Variants in MYO9B observed in about 807,000 individuals in gnomAD.
MYO9B encodes the protein unconventional myosin-IXb.
In MYO9B, 71 loss-of-function variants were observed where a neutral mutation model predicts 229.5. That is an observed-to-expected ratio of 0.31 (90% CI 0.26 to 0.38). The LOEUF (loss-of-function observed/expected upper bound fraction) is 0.38. Ranked by LOEUF, MYO9B falls within the 10% of genes least tolerant of loss-of-function variation. The probability of loss-of-function intolerance (pLI) is 1.00; values close to 1 mark genes in which losing one functional copy is unlikely to be tolerated. For synonymous variants in MYO9B, 1,185 were observed against 1,235.8 expected (o/e 0.96, Z 0.86); for missense variants, 2,255 against 2,920.5 (o/e 0.77, Z 5.25).
intron 14 of MYO9B, among the ~76,000 whole-genome samples, chr19:17,176,743 T>G (rs2072794391): frequency 6.6e-6 from 1 of 152,200 alleles, no homozygotes; most frequent in Non-Finnish European, 1.5e-5. Flanking sequence ...TCCCCCATCC[T>G]GCCTGGAGTG....
At chr19:17,079,068 T>A (rs1006782425) in intron 1 of MYO9B, among the ~76,000 whole-genome samples, 5 of 152,130 alleles carry the variant, frequency 3.3e-5, no homozygotes, top group Non-Finnish European at 5.9e-5. Flanking sequence ...TTCCATCCCC[T>A]CCAAGGGGTA....
chr19:17,132,178 CTTTTTT>C (rs60927116), intron 2 of MYO9B, among the ~76,000 whole-genome samples: 31 of 78,444 alleles, frequency 4.0e-4, no homozygotes, highest in Non-Finnish European at 5.9e-4. Flanking sequence ...TATTTTATTT[CTTTTTT>C]TTTTTTTTTT....
At chr19:17,184,271 T>C (rs1407925398) in intron 16 of MYO9B, among the ~76,000 whole-genome samples, 1 of 152,232 alleles carries the variant, frequency 6.6e-6, no homozygotes, top group Non-Finnish European at 1.5e-5. Context: ...CACCCCCATC[T>C]TCAGTCCCTG....
intron 2 of MYO9B, among the ~76,000 whole-genome samples, chr19:17,121,444 A>AATATATATAT (rs59741893): frequency 6.5e-4 from 93 of 142,620 alleles, no homozygotes; most frequent in African/African-American, 2.3e-3. Context: ...ATGTATTCCA[A>AATATATATAT]ATATATATAT....
chr19:17,205,813 A>G (rs2073153481), intron 31 of MYO9B, 147 bp from the exon 32 acceptor site: 2 of 826,540 alleles, frequency 2.4e-6, no homozygotes, highest in African/African-American at 1.7e-5. Flanking sequence ...CACACCCCCA[A>G]CAACCACGCA....
chr19:17,210,975 CACTTTT>C (rs1346329307), intron 38 of MYO9B, 127 bp downstream of exon 38: 1 of 509,622 alleles, frequency 2.0e-6, no homozygotes, highest in Non-Finnish European at 3.2e-6. Flanking sequence ...GGGCAAACAA[CACTTTT>C]TTTTTTTTTT....
chr19:17,203,396 C>T (rs1458395288), intron 30 of MYO9B, 138 bp downstream of exon 30: 2 of 607,488 alleles, frequency 3.3e-6, no homozygotes, highest in Admixed American at 3.1e-5. Context: ...AGGTGGATAA[C>T]GAGGTCAGGA....
At chr19:17,176,933 G>C (rs1415605001) in intron 14 of MYO9B, among the ~76,000 whole-genome samples, 1 of 152,192 alleles carries the variant, frequency 6.6e-6, no homozygotes, top group African/African-American at 2.4e-5. Flanking sequence ...AGACGTGATG[G>C]TGCACGCCTG....
At position 17,212,040 on chromosome 19, in the gene MYO9B, C is replaced by T; in HGVS notation, c.6204C>T (p.Ala2068=). The change falls in exon 40 of 40, where the codon GCC becomes GCT. Residue 2068 remains alanine (A), a synonymous_variant. Transcript: ENST00000682292. The surrounding 1 kb of genome is among the most constrained non-coding windows in gnomAD (Gnocchi z 5.4). The part of the protein sequence containing the change: ...TPRRTPIMPT[A]NIKLPPGLPS... Reference sequence around the variant, plus strand: ...GGCGGACCCCCATCATGCCCACGGCCAACATCAAGCTCCCACCAGGCCTGC... The same window carrying T: ...GGCGGACCCCCATCATGCCCACGGCTAACATCAAGCTCCCACCAGGCCTGC... 1.2e-6 allele frequency: 2 copies of T among 1,609,332 alleles called. No homozygotes were observed. The highest frequency in any genetic ancestry group is 1.7e-6 in the Non-Finnish European group (2 of 1,178,464).
At chr19:17,158,219 G>A (rs1268512403) in intron 7 of MYO9B, among the ~76,000 whole-genome samples, 2 of 152,174 alleles carry the variant, frequency 1.3e-5, no homozygotes, top group Admixed American at 1.3e-4. Context: ...ATTGGTACAG[G>A]AGCCCCAGCT....
chr19:17,121,974 G>A (rs192505373), intron 2 of MYO9B, among the ~76,000 whole-genome samples: 64 of 150,224 alleles, frequency 4.3e-4, no homozygotes, highest in African/African-American at 1.5e-3. Flanking sequence ...CGACAGGAAT[G>A]CAACCCTGTC....
Position 17,198,261 on chromosome 19 carries a change from C to T in MYO9B, c.4191C>T (p.Ser1397=). Residue 1397 remains serine, a synonymous_variant, in exon 24 of 40, where the codon TCC becomes TCT. Coordinates refer to ENST00000682292, the MANE Select transcript of MYO9B (RefSeq NM_004145.4). ...AGAAGAAGAAGCCAGGCGACGCATC[C>T]TCCCTCCCAGACGCAGGGCTGTCCC... The part of the protein sequence containing the change: ...AVQKKKPGDA[S]SLPDAGLSPG... 1 of 1,613,936 alleles carries T rather than the reference C, an allele frequency of 6.2e-7. No homozygotes were observed. Among genetic ancestry groups the T allele is most frequent in the Non-Finnish European group, 8.5e-7 (1 of 1,179,874 alleles).
In MYO9B at chr19:17,206,120, G is replaced by A. The variant is rs572226847; in HGVS notation, c.5225G>A (p.Arg1742His). The change falls in exon 32 of 40, where the codon CGC becomes CAC. Residue 1742 changes from arginine (R) to histidine (H), a missense_variant. By Grantham distance (29) the Arg-to-His change is conservative. This residue lies in a region of MYO9B where 416 missense variants were observed against 605.5 expected (regional missense o/e 0.69). Coordinates refer to ENST00000682292, the MANE Select transcript of MYO9B (RefSeq NM_004145.4). ...TACCGCAAGTCGGGTGCTGCCAACCGCACTCGGGAGCTCCGGCAGGCGCTG... is the reference window on the plus strand; with the variant it reads ...TACCGCAAGTCGGGTGCTGCCAACCACACTCGGGAGCTCCGGCAGGCGCTG... ...GLYRKSGAAN[R>H]TRELRQALQT... is the part of the protein sequence containing the mutation. The A allele has an allele frequency of 5.0e-6, 8 of 1,606,808 alleles. No individual in the cohort carries two copies. Among genetic ancestry groups the A allele is most frequent in the South Asian group, 1.1e-5 (1 of 90,740 alleles).
intron 1 of MYO9B, among the ~76,000 whole-genome samples, chr19:17,093,487 C>T (rs1036004189): frequency 6.6e-6 from 1 of 152,256 alleles, no homozygotes; most frequent in Non-Finnish European, 1.5e-5. Context: ...CTGGGACGAC[C>T]AGGTGAGCGA....
chr19:17,184,081 C>T, intron 16 of MYO9B: 1 of 582,752 alleles, frequency 1.7e-6, no homozygotes. Context: ...GGTATTTGCA[C>T]ACACAGCGGC....
chr19:17,096,270 G>A (rs74782222), intron 1 of MYO9B, among the ~76,000 whole-genome samples: 17,880 of 152,160 alleles, frequency 0.12, 1,235 homozygotes, highest in Non-Finnish European at 0.13. Context: ...TCTCTGTCTC[G>A]ACATCTGCTT....
At position 17,101,813 on chromosome 19, in the gene MYO9B, C is replaced by G; in HGVS notation, c.96C>G (p.Ala32=). ...AGCTGTCCACCACCGAGAGCCAGGC[C>G]TCGTGCCGCGTGACTGCCACCAAGG... The part of the protein sequence containing the change: ...YPQLSTTESQ[A]SCRVTATKDS... Residue 32 remains alanine (A), a synonymous_variant, in exon 2 of 40, where the codon GCC becomes GCG. Coordinates refer to ENST00000682292, the MANE Select transcript of MYO9B (RefSeq NM_004145.4). The surrounding 1 kb of genome is among the most constrained non-coding windows in gnomAD (Gnocchi z 4.7). The G allele has an allele frequency of 6.2e-7, 1 of 1,608,094 alleles. No homozygotes were observed. The highest frequency in any genetic ancestry group is 8.5e-7 in the Non-Finnish European group (1 of 1,179,138).
intron 2 of MYO9B, among the ~76,000 whole-genome samples, chr19:17,120,059 G>A (rs1255047504): frequency 6.6e-6 from 1 of 152,240 alleles, no homozygotes; most frequent in Non-Finnish European, 1.5e-5. Flanking sequence ...AGCTACTCAG[G>A]AGGCTGAGGT....
rs142866189 is a variant in MYO9B, at chr19:17,148,098, G to A, written c.935+2607G>A. On this transcript the variant is annotated intron_variant, in intron 3 of 39. Transcript: ENST00000682292. ...TATCTTTGGTTTTCTTTTTCTTCCC[G>A]TGGGTCCATCTTTTGCACGATCCTA... 3.0e-3 allele frequency among the ~76,000 whole-genome samples: 461 copies of A among 152,174 alleles called. 1 individual carries two copies. Among genetic ancestry groups the A allele is most frequent in the African/African-American group, 0.01 (432 of 41,530 alleles).
Sources: allele counts gnomAD v4.1 joint callset (sites outside exome capture counted in the v4.1 genomes callset), GRCh38; gene constraint gnomAD v4.1.1; regional missense constraint gnomAD v4.1.1; non-coding constraint Gnocchi (gnomAD v3.1); transcripts MANE v1.5; gene names NCBI Gene and HGNC (gene_info 2026-07-23, HGNC 2026-07-21).